Variants in CFAP69 observed in about 807,000 individuals in gnomAD.
CFAP69 encodes the protein cilia and flagella associated protein 69.
In CFAP69, 92 loss-of-function variants were observed where a neutral mutation model predicts 123.0. The ratio of observed to expected loss-of-function variants is 0.75; its 90% CI spans 0.63 to 0.89. CFAP69 has a LOEUF of 0.89. CFAP69 is among the 40% of genes least tolerant of loss of function. The pLI is 0.00. For missense variants in CFAP69, 1,067 were observed against 1,096.9 expected (o/e 0.97, Z 0.39); for synonymous variants, 380 against 364.3 (o/e 1.04, Z -0.49).
At chr7:90,315,400 A>T (rs1794708954), downstream of CFAP69, among the ~76,000 whole-genome samples, 1 of 152,252 alleles carries the variant, frequency 6.6e-6, no homozygotes, top group Non-Finnish European at 1.5e-5. Context: ...TGGTCCATAT[A>T]CACCATGGAA....
chr7:90,271,852 C>T lies in CFAP69; in HGVS notation c.754C>T (p.Pro252Ser). The change falls in exon 8 of 23, where the codon CCC (proline) becomes TCC (serine). Residue 252 changes from proline (P) to serine (S), a missense_variant. Pro to Ser is a moderately conservative substitution (Grantham distance 74). Coordinates refer to ENST00000389297, the MANE Select transcript of CFAP69 (RefSeq NM_001039706.3). ...CTGTACTCACCTCAATGACCCAGATCCCTCTGGACAGCTTTTATTTCGTTC... is the reference window on the plus strand; with the variant it reads ...CTGTACTCACCTCAATGACCCAGATTCCTCTGGACAGCTTTTATTTCGTTC... ...GICTHLNDPDPSGQLLFRSSE... is the reference protein window; with the variant it reads ...GICTHLNDPDSSGQLLFRSSE... 1.2e-6 allele frequency: 2 copies of T among 1,605,978 alleles called. No homozygotes were observed. Among genetic ancestry groups the T allele is most frequent in the South Asian group, 1.1e-5 (1 of 90,162 alleles).
chr7:90,263,724 A>G (rs1019127927), intron 4 of CFAP69, among the ~76,000 whole-genome samples: 3 of 152,120 alleles, frequency 2.0e-5, no homozygotes, highest in Admixed American at 6.5e-5. Context: ...ATTGGCCTGT[A>G]TATTGCTATT....
intron 21 of CFAP69, among the ~76,000 whole-genome samples, chr7:90,308,977 A>G (rs763571163): frequency 2.0e-4 from 31 of 152,042 alleles, no homozygotes; most frequent in South Asian, 6.2e-4. Context: ...ATTGAACCTG[A>G]TTTCTTCAGG....
At chr7:90,290,038 A>G (rs189206771) in intron 15 of CFAP69, among the ~76,000 whole-genome samples, 135 of 152,284 alleles carry the variant, frequency 8.9e-4, no homozygotes, top group African/African-American at 3.1e-3. Context: ...CTGGTAGAGT[A>G]AGTCTTTCTA....
At chr7:90,306,073 G>A (rs919225538) in intron 19 of CFAP69, among the ~76,000 whole-genome samples, 1 of 137,108 alleles carries the variant, frequency 7.3e-6, no homozygotes, top group Non-Finnish European at 1.5e-5. Context: ...TTCCCAAGTA[G>A]CTGGGACTAC....
chr7:90,307,986 A>G (rs1793856347), intron 21 of CFAP69, 132 bp downstream of exon 21: 1 of 534,582 alleles, frequency 1.9e-6, no homozygotes, highest in Non-Finnish European at 3.2e-6. Flanking sequence ...TTAGATGCTC[A>G]TATGCAATTT....
In CFAP69 at chr7:90,310,211, T is replaced by C; in HGVS notation, c.2799T>C (p.Asp933=). The change falls in exon 23 of 23, where the codon GAT becomes GAC. Residue 933 remains aspartate (D), a synonymous_variant. Transcript: ENST00000389297. ...LQRVKAVKIV[D]APKKSIPT is the part of the protein sequence containing the mutation. ...GGGTGAAAGCAGTTAAAATTGTGGATGCACCAAAAAAGAGTATTCCTACGT... is the reference window on the plus strand; with the variant it reads ...GGGTGAAAGCAGTTAAAATTGTGGACGCACCAAAAAAGAGTATTCCTACGT... The C allele has an allele frequency of 6.2e-7, 1 of 1,613,168 alleles. No individual in the cohort carries two copies. Among genetic ancestry groups the C allele is most frequent in the Non-Finnish European group, 8.5e-7 (1 of 1,179,584 alleles).
intron 6 of CFAP69, among the ~76,000 whole-genome samples, chr7:90,271,045 G>C (rs1000004670): frequency 6.6e-6 from 1 of 152,118 alleles, no homozygotes; most frequent in African/African-American, 2.4e-5. Context: ...AAACTGACTA[G>C]TGAAAACATT....
At chr7:90,322,869 A>G in the CFAP69 span, among the ~76,000 whole-genome samples, 2 of 152,220 alleles carry the variant, frequency 1.3e-5, no homozygotes, top group African/African-American at 4.8e-5. Flanking sequence ...AATCAATAAT[A>G]GAAAAATAAG....
At chr7:90,286,452 A>C in intron 14 of CFAP69, 53 bp downstream of exon 14, 1 of 1,560,458 alleles carries the variant, frequency 6.4e-7, no homozygotes, top group Non-Finnish European at 8.7e-7. Flanking sequence ...CTAACACTAT[A>C]AACTATTTTT....
At chr7:90,274,788 T>C (rs899264893) in intron 9 of CFAP69, among the ~76,000 whole-genome samples, 2 of 152,250 alleles carry the variant, frequency 1.3e-5, no homozygotes, top group Admixed American at 1.3e-4. Context: ...AATGATGTGC[T>C]AAGGTGAGAT....
intron 1 of CFAP69, among the ~76,000 whole-genome samples, chr7:90,250,756 G>A (rs757338130): frequency 2.0e-5 from 3 of 151,974 alleles, no homozygotes; most frequent in Admixed American, 6.6e-5. Context: ...CAATTGTCAC[G>A]TTAAGCCTAT....
rs1200114719 is a variant in CFAP69, at chr7:90,282,952, C to T, written c.1433C>T (p.Ala478Val). 1.9e-6 allele frequency: 3 copies of T among 1,597,492 alleles called. No homozygotes were observed. In the African/African-American group the frequency reaches 4.1e-5, roughly 22 times the overall value. Residue 478 changes from alanine to valine, a missense_variant, in exon 13 of 23, where the codon GCC becomes GTC. Ala to Val is a moderately conservative substitution (Grantham distance 64). Coordinates refer to ENST00000389297, the MANE Select transcript of CFAP69 (RefSeq NM_001039706.3). The stretch of plus-strand genomic sequence containing the variant: ...ACAGGTGGCCGAGGCAACAAGTTTG[C>T]CCAGATGCGTTACAGTTTAAGACTC... ...HGTGGRGNKF[A>V]QMRYSLRLLR...
intron 1 of CFAP69, chr7:90,251,978 T>C (rs1289248301): frequency 6.6e-6 from 1 of 152,008 alleles, no homozygotes; most frequent in Non-Finnish European, 1.5e-5. Context: ...AGTTACGGAT[T>C]TCTTCCTTTT....
At chr7:90,277,976 A>C (rs556766573) in intron 11 of CFAP69, among the ~76,000 whole-genome samples, 4 of 152,268 alleles carry the variant, frequency 2.6e-5, no homozygotes, top group African/African-American at 9.6e-5. Flanking sequence ...TCACAGGTCT[A>C]TCGTGAAGTT....
At chr7:90,304,889 T>C (rs1584543810) in intron 19 of CFAP69, 69 bp downstream of exon 19, 5 of 1,075,250 alleles carry the variant, frequency 4.7e-6, no homozygotes, top group East Asian at 4.9e-5. Flanking sequence ...AAATAAAATA[T>C]CTATTCATGG....
In CFAP69 at chr7:90,255,451, G is replaced by A. The variant is rs778746698; in HGVS notation, c.149G>A (p.Arg50His). The A allele has an allele frequency of 1.1e-5, 17 of 1,612,594 alleles. No individual in the cohort carries two copies. Among genetic ancestry groups the A allele is most frequent in the East Asian group, 6.7e-5 (3 of 44,768 alleles). Reference sequence around the variant, plus strand: ...GTTTTCAAGCCTATGGACCTTAATCGTGTCATCAAACTCCTCGAAGAGACT... The same window carrying A: ...GTTTTCAAGCCTATGGACCTTAATCATGTCATCAAACTCCTCGAAGAGACT... ...QDVFKPMDLNRVIKLLEETDK... is the reference protein window; with the variant it reads ...QDVFKPMDLNHVIKLLEETDK... The change falls in exon 2 of 23, where the codon CGT (arginine) becomes CAT (histidine). Residue 50 changes from arginine (R) to histidine (H), a missense_variant. Physicochemically the swap from Arg to His is conservative, Grantham distance 29 (BLOSUM62 0). Coordinates refer to ENST00000389297, the MANE Select transcript of CFAP69 (RefSeq NM_001039706.3).
chr7:90,266,507 A>T (rs913213588), intron 5 of CFAP69, among the ~76,000 whole-genome samples: 3 of 152,170 alleles, frequency 2.0e-5, no homozygotes, highest in Non-Finnish European at 2.9e-5. Flanking sequence ...ATTATTTTTT[A>T]AAATACCCCT....
the CFAP69 span, chr7:90,321,074 A>T: frequency 6.6e-6 from 1 of 152,210 alleles, no homozygotes; most frequent in Non-Finnish European, 1.5e-5. Flanking sequence ...TTCAGCGGGG[A>T]CGACCCCTGC....
Sources: allele counts gnomAD v4.1 joint callset (sites outside exome capture counted in the v4.1 genomes callset), GRCh38; gene constraint gnomAD v4.1.1; transcripts MANE v1.5; gene names NCBI Gene and HGNC (gene_info 2026-07-23, HGNC 2026-07-21).